Variants in NPIPB2 observed in about 807,000 individuals in gnomAD.
NPIPB2 encodes nuclear pore complex interacting protein family member B2, also known as nuclear pore complex-interacting protein family member B2.
A neutral mutation model predicts 30.8 loss-of-function variants in NPIPB2; 27 were observed. The ratio of observed to expected loss-of-function variants is 0.88; its 90% CI spans 0.65 to 1.21. The LOEUF (loss-of-function observed/expected upper bound fraction) is 1.21, where lower values mean the gene tolerates loss of function less well. NPIPB2 is among the 50% of genes most tolerant of loss of function. NPIPB2 has a pLI of 0.00. For synonymous variants in NPIPB2, 147 were observed against 162.0 expected (o/e 0.91, Z 0.70); for missense variants, 440 against 446.2 (o/e 0.99, Z 0.13).
At chr16:11,964,173 C>T (rs952611994) in intron 1 of NPIPB2, 1 of 152,136 alleles carries the variant, frequency 6.6e-6, no homozygotes, top group Non-Finnish European at 1.5e-5. Context: ...TTCTGGGATA[C>T]ACCAGGTGTT....
chr16:11,968,793 C>T (rs553845105), intron 1 of NPIPB2: 1 of 152,258 alleles, frequency 6.6e-6, no homozygotes, highest in Admixed American at 6.5e-5. Context: ...AATCTTCTCA[C>T]TAGAGACCTC....
chr16:11,960,739 T>C (rs1416714541), intron 1 of NPIPB2, among the ~76,000 whole-genome samples: 2 of 152,098 alleles, frequency 1.3e-5, no homozygotes, highest in Non-Finnish European at 2.9e-5. Context: ...AGGGACACAC[T>C]CAAAGGCCAT....
intron 1 of NPIPB2, among the ~76,000 whole-genome samples, chr16:11,961,281 G>A (rs2055150943): frequency 6.6e-6 from 1 of 152,012 alleles, no homozygotes; most frequent in Non-Finnish European, 1.5e-5. Flanking sequence ...TCCTGGGCCA[G>A]CTGCTTCAGC....
chr16:11,953,318 G>A (rs534745485), intron 1 of NPIPB2, among the ~76,000 whole-genome samples: 1 of 151,290 alleles, frequency 6.6e-6, no homozygotes, highest in Admixed American at 6.6e-5. Context: ...GCTAATTTTT[G>A]GGTTTTTTGT....
intron 1 of NPIPB2, among the ~76,000 whole-genome samples, chr16:11,951,677 A>C (rs1162986700): frequency 9.7e-6 from 1 of 102,968 alleles, no homozygotes; most frequent in Admixed American, 8.8e-5. Context: ...CCCAGCCCCC[A>C]AACAACAAAA....
At chr16:11,952,101 G>C (rs541367413) in intron 1 of NPIPB2, among the ~76,000 whole-genome samples, 8 of 149,782 alleles carry the variant, frequency 5.3e-5, no homozygotes, top group Non-Finnish European at 1.2e-4. Context: ...GGCGCTTGCA[G>C]TGAGCCAAGC....
chr16:11,974,953 T>C (rs962702625), intron 1 of NPIPB2, among the ~76,000 whole-genome samples: 2 of 151,382 alleles, frequency 1.3e-5, no homozygotes. Context: ...CAGGAGCCTG[T>C]AGTCCCAGCT....
chr16:11,975,144 T>TTCTTTTTC (rs1259310134), intron 1 of NPIPB2, among the ~76,000 whole-genome samples: 4 of 53,826 alleles, frequency 7.4e-5, no homozygotes, highest in South Asian at 8.0e-4. Flanking sequence ...CCATCACCTT[T>TTCTTTTTC]TTTTTTTTTT....
At chr16:11,941,213 G>A in intron 1 of NPIPB2, 3 of 1,521,424 alleles carry the variant, frequency 2.0e-6, no homozygotes. Context: ...AGCCAAAAGA[G>A]GAGCCAAAAG....
intron 1 of NPIPB2, chr16:11,966,057 G>T: frequency 1.4e-6 from 1 of 733,856 alleles, no homozygotes; most frequent in Non-Finnish European, 2.0e-6. Flanking sequence ...GTTGCAGTGA[G>T]CCGAGATCGC....
At chr16:11,935,482 T>C (rs1457043301) in intron 2 of NPIPB2, among the ~76,000 whole-genome samples, 2 of 152,138 alleles carry the variant, frequency 1.3e-5, no homozygotes. Flanking sequence ...CCTGGCTAAT[T>C]TTTGTCTTTT....
intron 1 of NPIPB2, among the ~76,000 whole-genome samples, chr16:11,950,607 T>C (rs1187123305): frequency 6.6e-6 from 1 of 152,116 alleles, no homozygotes; most frequent in Non-Finnish European, 1.5e-5. Flanking sequence ...TTTCTCCCAA[T>C]GTTCTTTGCA....
chr16:11,944,632 G>A (rs921340657), upstream of NPIPB2, among the ~76,000 whole-genome samples: 2 of 148,694 alleles, frequency 1.3e-5, no homozygotes, highest in Admixed American at 1.4e-4. Flanking sequence ...GCGTGGTGGT[G>A]CGCACCTGTA....
intron 1 of NPIPB2, among the ~76,000 whole-genome samples, chr16:11,966,018 G>C (rs1313022210): frequency 6.6e-6 from 1 of 152,140 alleles, no homozygotes; most frequent in Non-Finnish European, 1.5e-5. Context: ...GGCTGAGGCA[G>C]GAGAATTGTT....
intron 4 of NPIPB2, among the ~76,000 whole-genome samples, chr16:11,932,936 C>A (rs530550223): frequency 6.8e-6 from 1 of 147,862 alleles, no homozygotes. Flanking sequence ...CCAGCCTGGG[C>A]GACAGAGCGA....
chr16:11,940,758 T>TAAAA (rs1205186064), intron 1 of NPIPB2, among the ~76,000 whole-genome samples: 2 of 47,152 alleles, frequency 4.2e-5, no homozygotes, highest in East Asian at 8.8e-4. Flanking sequence ...AGACTCTGTC[T>TAAAA]AAAAAAAAAA....
chr16:11,951,377 T>C (rs1295027897), intron 1 of NPIPB2, among the ~76,000 whole-genome samples: 1 of 135,130 alleles, frequency 7.4e-6, no homozygotes, highest in Non-Finnish European at 1.5e-5. Flanking sequence ...GGCAGGAGAA[T>C]GGCGTGAACC....
chr16:11,973,810 C>T (rs2150946846), intron 1 of NPIPB2, among the ~76,000 whole-genome samples: 1 of 152,026 alleles, frequency 6.6e-6, no homozygotes, highest in East Asian at 1.9e-4. Flanking sequence ...TATCACAAGG[C>T]TACAAAAAGA....
At chr16:11,965,277 C>T in intron 1 of NPIPB2, 2 of 1,610,200 alleles carry the variant, frequency 1.2e-6, no homozygotes, top group Non-Finnish European at 1.7e-6. Flanking sequence ...TATTACTTGT[C>T]CTTCCAGGCT....
Sources: allele counts gnomAD v4.1 joint callset (sites outside exome capture counted in the v4.1 genomes callset), GRCh38; gene constraint gnomAD v4.1.1; transcripts MANE v1.5; gene names NCBI Gene and HGNC (gene_info 2026-07-23, HGNC 2026-07-21).